SGK3: variants seen among roughly 807,000 people sequenced by gnomAD.
The protein encoded by SGK3 is serum/glucocorticoid regulated kinase family member 3, also known as serine/threonine-protein kinase Sgk3.
SGK3 carries 47 observed loss-of-function variants against 68.5 expected under a neutral mutation model. The observed-to-expected ratio is 0.69, with a 90% CI of 0.54 to 0.87. The LOEUF is 0.87. Ranked by LOEUF, SGK3 falls within the 40% of genes least tolerant of loss-of-function variation. SGK3 has a pLI of 0.00. For missense variants in SGK3, 479 were observed against 575.5 expected (o/e 0.83, Z 1.72); for synonymous variants, 181 against 189.1 (o/e 0.96, Z 0.35).
chr8:66,811,132 C>G (rs936949417), intron 4 of SGK3, among the ~76,000 whole-genome samples: 1 of 152,184 alleles, frequency 6.6e-6, no homozygotes, highest in Non-Finnish European at 1.5e-5. Context: ...CCTCCCACCT[C>G]AGCCTGCTGA....
chr8:66,784,177 A>G (rs1807106068), intron 1 of SGK3, among the ~76,000 whole-genome samples: 1 of 152,178 alleles, frequency 6.6e-6, no homozygotes, highest in Non-Finnish European at 1.5e-5. Context: ...CTGGGATTAC[A>G]GGTGTCAACC....
intron 1 of SGK3, among the ~76,000 whole-genome samples, chr8:66,774,136 G>T (rs563441947): frequency 6.6e-6 from 1 of 152,272 alleles, no homozygotes; most frequent in South Asian, 2.1e-4. Context: ...AGCCCATGAG[G>T]TCACCAGGCT....
Position 66,847,319 on chromosome 8 carries a change from C to T in SGK3, c.1201C>T (p.Gln401Ter). 6.2e-7 allele frequency: 1 copy of T among 1,602,584 alleles called. No homozygotes were observed. Among genetic ancestry groups the T allele is most frequent in the East Asian group, 2.3e-5 (1 of 43,810 alleles). The stretch of plus-strand genomic sequence containing the variant: ...GGAAGAACTCCTAGAAAAAGACAGG[C>T]AAAATCGACTTGGTGCCAAGGAAGA... ...ILEELLEKDRQNRLGAKEDFL... is the reference protein window; with the variant it reads ...ILEELLEKDR Residue 401 changes from glutamine to a stop codon, truncating the protein, a stop_gained, in exon 15 of 17, where the codon CAA becomes TAA. Transcript: ENST00000521198. LOFTEE classifies it high-confidence loss of function.
intron 1 of SGK3, among the ~76,000 whole-genome samples, chr8:66,772,030 G>A (rs942118720): frequency 1.4e-5 from 2 of 143,588 alleles, no homozygotes; most frequent in Non-Finnish European, 3.0e-5. Flanking sequence ...GCTGTTATAG[G>A]TAATCTGAAC....
rs185651560 is a variant in SGK3 at position 66,760,483 on chromosome 8, C to T, written c.-121-33133C>T. ...CTGAGTAGCTGGGACTACAGGTGCCCGCCACCACACCCGGCTAACTTTTTG... is the reference window on the plus strand; with the variant it reads ...CTGAGTAGCTGGGACTACAGGTGCCTGCCACCACACCCGGCTAACTTTTTG... On this transcript the variant is annotated intron_variant, in intron 1 of 16. Coordinates refer to ENST00000521198, the MANE Select transcript of SGK3 (RefSeq NM_001033578.3). 2.4e-3 allele frequency among the ~76,000 whole-genome samples: 364 copies of T among 151,520 alleles called. 1 individual carries two copies. The highest frequency in any genetic ancestry group is 6.8e-3 in the Middle Eastern group (2 of 294).
chr8:66,795,505 T>G (rs113710437), intron 2 of SGK3, among the ~76,000 whole-genome samples: 1,527 of 152,340 alleles, frequency 0.01, 29 homozygotes, highest in African/African-American at 0.035. Context: ...CTCTCCTTAT[T>G]TTTGCCTTTG....
At chr8:66,739,993 A>G (rs1416263076) in intron 1 of SGK3, among the ~76,000 whole-genome samples, 1 of 152,234 alleles carries the variant, frequency 6.6e-6, no homozygotes, top group Non-Finnish European at 1.5e-5. Context: ...GATTATGGGA[A>G]CTACAATTCA....
intron 3 of SGK3, 110 bp downstream of exon 3, chr8:66,798,735 G>C: frequency 1.1e-6 from 1 of 890,482 alleles, no homozygotes; most frequent in South Asian, 2.3e-5. Context: ...TAATATGTCA[G>C]ACAGGCAGAC....
At chr8:66,806,877 T>A (rs1411092505) in intron 4 of SGK3, among the ~76,000 whole-genome samples, 5 of 145,414 alleles carry the variant, frequency 3.4e-5, no homozygotes, top group Non-Finnish European at 7.6e-5. Context: ...GTGAAAAAAA[T>A]TTAAATGGAG....
intron 5 of SGK3, among the ~76,000 whole-genome samples, chr8:66,818,651 C>T (rs892698402): frequency 6.6e-6 from 1 of 152,172 alleles, no homozygotes; most frequent in African/African-American, 2.4e-5. Context: ...TGTTTTTGAA[C>T]TTTATATAAA....
At chr8:66,732,046 CA>C (rs1401395661) in intron 1 of SGK3, among the ~76,000 whole-genome samples, 1 of 151,494 alleles carries the variant, frequency 6.6e-6, no homozygotes, top group Non-Finnish European at 1.5e-5. Context: ...GAGGACATCT[CA>C]AAAAAAATGT....
chr8:66,845,949 G>GA (rs1176179878), intron 14 of SGK3, among the ~76,000 whole-genome samples: 1 of 151,644 alleles, frequency 6.6e-6, no homozygotes, highest in East Asian at 1.9e-4. Context: ...AGACTGAAAA[G>GA]AAAAAAATGT....
intron 1 of SGK3, among the ~76,000 whole-genome samples, chr8:66,792,347 A>T (rs1807497869): frequency 6.6e-6 from 1 of 151,890 alleles, no homozygotes; most frequent in Non-Finnish European, 1.5e-5. Flanking sequence ...AAAAAAAAAA[A>T]AGAAATCTTT....
At chr8:66,839,618 G>C (rs960201495) in intron 10 of SGK3, among the ~76,000 whole-genome samples, 5 of 135,314 alleles carry the variant, frequency 3.7e-5, no homozygotes, top group African/African-American at 1.4e-4. Flanking sequence ...AATAGTGTTT[G>C]TTTTTTTCAA....
In SGK3 at chr8:66,798,636, G is replaced by C; in HGVS notation, c.180+11G>C. 3 of 1,574,394 alleles carry C rather than the reference G, an allele frequency of 1.9e-6. No individual in the cohort carries two copies. The highest frequency in any genetic ancestry group is 1.2e-5 in the South Asian group (1 of 83,722). On this transcript the variant is annotated intron_variant, in intron 3 of 16. Transcript: ENST00000521198. Reference sequence around the variant, plus strand: ...AAACTTTATAACACTGTAAGTAATCGTCTACAAGATTTCTAATTAAAAGAA... The same window carrying C: ...AAACTTTATAACACTGTAAGTAATCCTCTACAAGATTTCTAATTAAAAGAA...
chr8:66,789,559 A>G (rs1332472286), intron 1 of SGK3, among the ~76,000 whole-genome samples: 1 of 152,220 alleles, frequency 6.6e-6, no homozygotes, highest in Non-Finnish European at 1.5e-5. Context: ...CCACTGTGAG[A>G]TAGACTTATT....
intron 5 of SGK3, among the ~76,000 whole-genome samples, chr8:66,814,478 C>T (rs551704377): frequency 6.6e-6 from 1 of 152,330 alleles, no homozygotes; most frequent in South Asian, 2.1e-4. Flanking sequence ...AAAAAGAAGG[C>T]TTTCCAGGCG....
chr8:66,819,583 G>A (rs995850997), intron 5 of SGK3, among the ~76,000 whole-genome samples: 1 of 152,100 alleles, frequency 6.6e-6, no homozygotes, highest in Non-Finnish European at 1.5e-5. Flanking sequence ...TGTTTATTAT[G>A]TAATTTTAAA....
chr8:66,771,475 T>C (rs545630505), intron 1 of SGK3, among the ~76,000 whole-genome samples: 4 of 152,326 alleles, frequency 2.6e-5, no homozygotes, highest in East Asian at 1.9e-4. Context: ...CTGGTTAAGG[T>C]TGCAGTTAAG....
Sources: gnomAD v4.1 joint callset for allele counts (sites outside exome capture counted in the v4.1 genomes callset) on GRCh38, gnomAD v4.1.1 for gene constraint, MANE v1.5 for transcripts, NCBI Gene and HGNC (gene_info 2026-07-23, HGNC 2026-07-21) for gene names.